Variants in ANKRD28 observed in about 807,000 individuals in gnomAD.
ANKRD28 encodes serine/threonine-protein phosphatase 6 regulatory ankyrin repeat subunit A.
A neutral mutation model predicts 126.5 loss-of-function variants in ANKRD28; 44 were observed. That is an observed-to-expected ratio of 0.35 (90% CI 0.27 to 0.45). The LOEUF is 0.45. Among genes scored for constraint, ANKRD28 ranks in the 20% least tolerant of loss-of-function variants. The pLI is 1.00. For missense variants in ANKRD28, 1,110 were observed against 1,316.6 expected (o/e 0.84, Z 2.43); for synonymous variants, 442 against 468.5 (o/e 0.94, Z 0.73).
At position 15,838,768 on chromosome 3, in the gene ANKRD28, C is replaced by T. The variant is rs998384574; in HGVS notation, c.27+20609G>A. Among the ~76,000 whole-genome samples the T allele has an allele frequency of 1.3e-5, 2 of 151,746 alleles. No homozygotes were observed. Among genetic ancestry groups the T allele is most frequent in the Admixed American group, 6.6e-5 (1 of 15,222 alleles). On this transcript the variant is annotated intron_variant, in intron 1 of 27. Coordinates refer to the ANKRD28 transcript ENST00000399451. The surrounding 1 kb of genome is among the most constrained non-coding windows in gnomAD (Gnocchi z 4.0). ...CGTCTCAAAAAAAAAAAAAAATCTTCGCAAGAGAAGTTAAAACGTGTCCAT... is the reference window on the plus strand; with the variant it reads ...CGTCTCAAAAAAAAAAAAAAATCTTTGCAAGAGAAGTTAAAACGTGTCCAT...
intron 2 of ANKRD28, among the ~76,000 whole-genome samples, chr3:15,783,983 C>T (rs1376211215): frequency 6.6e-6 from 1 of 151,840 alleles, no homozygotes; most frequent in Non-Finnish European, 1.5e-5. Context: ...TCTGACTACG[C>T]CTCAGGAGCC....
At position 15,743,545 on chromosome 3, in the gene ANKRD28, AACACACACACACAC is replaced by A. The variant is rs4036221; in HGVS notation, c.352-6326_352-6313del. ...CTCCAGCAGTGCAGTGTGGCTTTTTAACACACACACACACACACACACACACACACACACACACA... is the reference window on the plus strand; with the variant it reads ...CTCCAGCAGTGCAGTGTGGCTTTTTAACACACACACACACACACACACACA... On this transcript the variant is annotated intron_variant, in intron 4 of 27. Transcript: ENST00000683139. 7.0e-3 allele frequency among the ~76,000 whole-genome samples: 984 copies of A among 140,484 alleles called. 2 individuals are homozygous for A. The highest frequency in any genetic ancestry group is 0.026 in the East Asian group (124 of 4,802). 92.2% of individuals were successfully genotyped at this position (140,484 alleles called of 152,430 possible).
intron 3 of ANKRD28, among the ~76,000 whole-genome samples, chr3:15,759,262 C>T (rs2058330931): frequency 1.3e-5 from 2 of 152,108 alleles, no homozygotes; most frequent in South Asian, 4.1e-4. Flanking sequence ...CTAGCTTTTA[C>T]TAGCAGTATA....
intron 1 of ANKRD28, among the ~76,000 whole-genome samples, chr3:15,850,224 T>TATAGAGAGAGAGAGAG (rs1418223588): frequency 1.0e-3 from 36 of 35,112 alleles, no homozygotes; most frequent in Non-Finnish European, 1.8e-3. Context: ...TATATATATA[T>TATAGAGAGAGAGAGAG]AGAGAGAGAG....
chr3:15,714,665 G>A lies in ANKRD28; in HGVS notation c.997-9C>T. The A allele has an allele frequency of 1.3e-6, 2 of 1,571,910 alleles. No homozygotes were observed. The highest frequency in any genetic ancestry group is 1.7e-4 in the Middle Eastern group (1 of 5,878). Reference sequence around the variant, plus strand: ...GTTTTCCCATCTTTACTCTGGGGGGGGAAGAAAAAAATTACTCACTCTACT... The same window carrying A: ...GTTTTCCCATCTTTACTCTGGGGGGAGAAGAAAAAAATTACTCACTCTACT... On this transcript the variant is annotated splice_polypyrimidine_tract_variant and intron_variant, in intron 8 of 27. Transcript: ENST00000683139.
chr3:15,850,204 A>AAAAAATATAT (rs1486394619), intron 1 of ANKRD28, among the ~76,000 whole-genome samples: 8 of 54,820 alleles, frequency 1.5e-4, no homozygotes, highest in South Asian at 6.3e-4. Context: ...AAAAAAAAAA[A>AAAAAATATAT]ATATATATAT....
chr3:15,762,290 G>T (rs1575583910), intron 3 of ANKRD28, among the ~76,000 whole-genome samples: 1 of 150,358 alleles, frequency 6.7e-6, no homozygotes, highest in African/African-American at 2.5e-5. Flanking sequence ...GGCTATGGGA[G>T]TTATCCTCTA....
At chr3:15,773,428 C>G (rs977901948) in intron 2 of ANKRD28, among the ~76,000 whole-genome samples, 2 of 152,066 alleles carry the variant, frequency 1.3e-5, no homozygotes, top group Non-Finnish European at 2.9e-5. Context: ...AATTCAAGAC[C>G]AGCCTGGCCA....
intron 4 of ANKRD28, among the ~76,000 whole-genome samples, chr3:15,744,505 T>TG (rs2057345989): frequency 6.9e-6 from 1 of 145,496 alleles, no homozygotes; most frequent in South Asian, 2.2e-4. Context: ...TTCATAGAGA[T>TG]GGGGTTTCAC....
intron 6 of ANKRD28, among the ~76,000 whole-genome samples, chr3:15,726,908 T>A (rs2074214528): frequency 6.6e-6 from 1 of 152,244 alleles, no homozygotes; most frequent in African/African-American, 2.4e-5. Context: ...TTATGCTAAA[T>A]CCACTTTGCC....
chr3:15,792,957 A>G (rs1337103439), intron 2 of ANKRD28, among the ~76,000 whole-genome samples: 10 of 152,176 alleles, frequency 6.6e-5, no homozygotes, highest in Admixed American at 6.5e-5. Flanking sequence ...GGGTGTGACT[A>G]AAGAAACTCA....
chr3:15,767,862 T>C (rs543307740), intron 2 of ANKRD28, among the ~76,000 whole-genome samples: 1 of 151,874 alleles, frequency 6.6e-6, no homozygotes, highest in Non-Finnish European at 1.5e-5. Context: ...CACTCCAGCC[T>C]GGATGACAGA....
At chr3:15,803,091 G>A (rs2060497280) in intron 1 of ANKRD28, among the ~76,000 whole-genome samples, 1 of 152,216 alleles carries the variant, frequency 6.6e-6, no homozygotes, top group Non-Finnish European at 1.5e-5. Flanking sequence ...GAGAGGCCTT[G>A]TAAACCAAGT....
At chr3:15,718,467 C>T (rs1310142243) in intron 8 of ANKRD28, among the ~76,000 whole-genome samples, 1 of 152,198 alleles carries the variant, frequency 6.6e-6, no homozygotes, top group Non-Finnish European at 1.5e-5. Flanking sequence ...GAGCATTTTA[C>T]TCTAAGTGGG....
chr3:15,752,365 T>C (rs1405529477), intron 3 of ANKRD28, among the ~76,000 whole-genome samples: 2 of 152,192 alleles, frequency 1.3e-5, no homozygotes, highest in Non-Finnish European at 2.9e-5. Flanking sequence ...CTCATGTCTT[T>C]CTAGGTTATA....
chr3:15,763,819 TA>T (rs758868796), intron 3 of ANKRD28, among the ~76,000 whole-genome samples: 3 of 152,104 alleles, frequency 2.0e-5, no homozygotes, highest in Non-Finnish European at 4.4e-5. Flanking sequence ...TGTAAAAACT[TA>T]ATTTTTTTTT....
At chr3:15,822,048 TAAAGGTTTTG>T (rs1414673635) in intron 1 of ANKRD28, among the ~76,000 whole-genome samples, 1 of 152,054 alleles carries the variant, frequency 6.6e-6, no homozygotes, top group African/African-American at 2.4e-5. Context: ...CATATGAAAA[TAAAGGTTTTG>T]AAAGCTCCCA....
chr3:15,691,125 CTTTTT>C (rs535516050), intron 17 of ANKRD28, among the ~76,000 whole-genome samples: 1 of 141,482 alleles, frequency 7.1e-6, no homozygotes. Context: ...CTGAAGTTGT[CTTTTT>C]TTTTTTTTTT....
At chr3:15,695,241 T>C (rs1412418126) in intron 15 of ANKRD28, 27 bp from the exon 16 acceptor site, 3 of 1,527,432 alleles carry the variant, frequency 2.0e-6, no homozygotes, top group Non-Finnish European at 2.7e-6. Context: ...AACAAAAATA[T>C]TTAGCTTGGG....
Sources: allele counts gnomAD v4.1 joint callset (sites outside exome capture counted in the v4.1 genomes callset), GRCh38; gene constraint gnomAD v4.1.1; non-coding constraint Gnocchi (gnomAD v3.1); transcripts MANE v1.5; gene names NCBI Gene and HGNC (gene_info 2026-07-23, HGNC 2026-07-21).